RPL3L: variants seen among roughly 807,000 people sequenced by gnomAD.
RPL3L encodes ribosomal protein L3 like.
RPL3L carries 44 observed loss-of-function variants against 44.5 expected under a neutral mutation model. The ratio of observed to expected loss-of-function variants is 0.99; its 90% CI spans 0.78 to 1.27. The LOEUF (loss-of-function observed/expected upper bound fraction) is 1.27, where lower values mean the gene tolerates loss of function less well. Ranked by LOEUF, RPL3L falls within the 50% of genes most tolerant of loss-of-function variation. The pLI is 0.00. For missense variants in RPL3L, 631 were observed against 569.1 expected (o/e 1.11, Z -1.11); for synonymous variants, 292 against 230.7 (o/e 1.27, Z -2.41).
rs2083129463 is a variant in RPL3L, at chr16:1,947,217, A to G, written c.665T>C (p.Val222Ala). The G allele has an allele frequency of 1.9e-6, 3 of 1,612,712 alleles. No homozygotes were observed. Among genetic ancestry groups the G allele is most frequent in the African/African-American group, 1.3e-5 (1 of 74,884 alleles). Residue 222 changes from valine to alanine, a missense_variant, in exon 5 of 10, where the codon GTC becomes GCC. By Grantham distance (64) the Val-to-Ala change is moderately conservative (BLOSUM62 0). Coordinates refer to ENST00000268661, the MANE Select transcript of RPL3L (RefSeq NM_005061.3). ...ACCTTTGACGCCTCGACCCTTGGTG[A>G]CAGCAATGACATCAATGACCTCACT... ...SQSEVIDVIA[V>A]TKGRGVKGVT...
Position 1,954,123 on chromosome 16 carries a change from C to T in RPL3L, c.29G>A (p.Arg10Gln), listed in dbSNP as rs1261889172. 5.0e-6 allele frequency: 8 copies of T among 1,593,750 alleles called. No individual in the cohort carries two copies. The highest frequency in any genetic ancestry group is 2.7e-5 in the African/African-American group (2 of 74,746). MSHRKFSAP[R>Q]HGHLGFLPHK... ...GGGCAGGAAGCCCAGGTGTCCGTGC[C>T]GAGGGGCGGAAAACTTCCGGTGGGA... Residue 10 changes from arginine (R) to glutamine (Q), a missense_variant, in exon 2 of 10, where the codon CGG becomes CAG. Physicochemically the swap from Arg to Gln is conservative, Grantham distance 43 (BLOSUM62 1). Transcript: ENST00000268661.
rs114329258 is a variant in RPL3L at position 1,947,674 on chromosome 16, A to G, written c.502-294T>C. 4.4e-3 allele frequency among the ~76,000 whole-genome samples: 664 copies of G among 152,268 alleles called. 4 individuals are homozygous for G. The highest frequency in any genetic ancestry group is 0.015 in the African/African-American group (638 of 41,552). On this transcript the variant is annotated intron_variant, in intron 4 of 9. Transcript: ENST00000268661. ...TGGGCTATGGGGGCTGGTGTTTCAG[A>G]TACAGTGGTCAGGGCAGAGAGGGCT...
chr16:1,952,052 G>A (rs138507723), intron 3 of RPL3L, among the ~76,000 whole-genome samples: 3,646 of 151,902 alleles, frequency 0.024, 120 homozygotes, highest in African/African-American at 0.063. Context: ...AGGCTCAAGC[G>A]ATTCTCCTGC....
chr16:1,944,775 C>G lies in RPL3L; in HGVS notation c.*62G>C, dbSNP rs57827007. On this transcript the variant is annotated 3_prime_UTR_variant, in exon 10 of 10. Coordinates refer to ENST00000268661, the MANE Select transcript of RPL3L (RefSeq NM_005061.3). ...ACCTCGCAGGAAGAGTCGCCTCCGG[C>G]CTTTGTTAGACATTGGGGCAGACAG... 7 of 1,609,152 alleles carry G rather than the reference C, an allele frequency of 4.4e-6. No individual in the cohort carries two copies. The highest frequency in any genetic ancestry group is 6.0e-6 in the Non-Finnish European group (7 of 1,175,852).
chr16:1,946,664 G>C lies in RPL3L; in HGVS notation c.912C>G (p.Ser304=). 6.2e-7 allele frequency: 1 copy of C among 1,612,864 alleles called. No homozygotes were observed. Among genetic ancestry groups the C allele is most frequent in the Non-Finnish European group, 8.5e-7 (1 of 1,179,962 alleles). ...ACTTGGCAGTCACGTCGTAGCTGGT[G>C]GATGCATTGTTCTTCACCAGCTTCC... ...EDGKLVKNNA[S]TSYDVTAKSI... is the part of the protein sequence containing the mutation. Residue 304 remains serine (S), a synonymous_variant, in exon 7 of 10, where the codon TCC becomes TCG. Transcript: ENST00000268661.
At chr16:1,950,318 G>A (rs942350958) in intron 4 of RPL3L, among the ~76,000 whole-genome samples, 1 of 151,976 alleles carries the variant, frequency 6.6e-6, no homozygotes. Flanking sequence ...ACCAGTGACT[G>A]GCCCAGGCAT....
At chr16:1,948,992 T>C (rs2083147054) in intron 4 of RPL3L, among the ~76,000 whole-genome samples, 1 of 150,104 alleles carries the variant, frequency 6.7e-6, no homozygotes, top group African/African-American at 2.5e-5. Flanking sequence ...ATTACAGACG[T>C]GAGCCACCGC....
In RPL3L at chr16:1,953,056, A is replaced by G. The variant is rs779005025; in HGVS notation, c.197-14T>C. On this transcript the variant is annotated splice_polypyrimidine_tract_variant and intron_variant, in intron 2 of 9. Coordinates refer to ENST00000268661, the MANE Select transcript of RPL3L (RefSeq NM_005061.3). ...GTTTGGAAATTTCTGGATGAGACAC[A>G]GGGATGGGGCATGAAGGGGGACCTC... 1.9e-6 allele frequency: 3 copies of G among 1,579,188 alleles called. No homozygotes were observed. Among genetic ancestry groups the G allele is most frequent in the African/African-American group, 1.4e-5 (1 of 74,064 alleles).
intron 4 of RPL3L, among the ~76,000 whole-genome samples, chr16:1,949,824 C>G (rs1044695966): frequency 2.8e-4 from 2 of 7,220 alleles, no homozygotes; most frequent in Non-Finnish European, 4.2e-4. Flanking sequence ...CAGGTATGGA[C>G]GGGGCAGGTA....
intron 4 of RPL3L, among the ~76,000 whole-genome samples, chr16:1,948,227 A>G (rs796537067): frequency 5.3e-4 from 75 of 140,422 alleles, no homozygotes; most frequent in South Asian, 1.6e-3. Flanking sequence ...GTGAGCCACC[A>G]CGCCCGGCCT....
rs1567307620 is a variant in RPL3L at position 1,943,993 on chromosome 16, G to C, written c.*844C>G. The stretch of plus-strand genomic sequence containing the variant: ...CCCAGCTAATTTTGTATTTTTAATA[G>C]AGACGAGGTTTCTCGATGTTGGCCA... On this transcript the variant is annotated 3_prime_UTR_variant, in exon 10 of 10. Coordinates refer to ENST00000268661, the MANE Select transcript of RPL3L (RefSeq NM_005061.3). 1 of 152,080 alleles carries C rather than the reference G, an allele frequency of 6.6e-6. No individual in the cohort carries two copies. Among genetic ancestry groups the C allele is most frequent in the Non-Finnish European group, 1.5e-5 (1 of 68,018 alleles). The allele number at this position is 152,080 out of a possible 1,614,324, so 9.4% of individuals were successfully genotyped here.
Position 1,952,928 on chromosome 16 carries a change from G to A in RPL3L, c.311C>T (p.Thr104Ile). 6.2e-7 allele frequency: 1 copy of A among 1,613,994 alleles called. No homozygotes were observed. The highest frequency in any genetic ancestry group is 2.2e-5 in the East Asian group (1 of 44,862). Residue 104 changes from threonine to isoleucine, a missense_variant, in exon 3 of 10, where the codon ACC becomes ATC. Thr to Ile is a moderately conservative substitution (Grantham distance 89). Transcript: ENST00000268661. Reference protein sequence around the residue: ...ATPRGLRSFKTIFAEHLSDEC... With the variant: ...ATPRGLRSFKIIFAEHLSDEC... ...ATCACTGAGGTGTTCTGCAAAGATG[G>A]TCTTGAAGCTCCGGAGACCTCGAGG...
chr16:1,947,821 G>C (rs965925698), intron 4 of RPL3L, among the ~76,000 whole-genome samples: 1 of 152,168 alleles, frequency 6.6e-6, no homozygotes, highest in Non-Finnish European at 1.5e-5. Context: ...GAAAGTTGGT[G>C]GGACAGAGAG....
At chr16:1,948,877 G>T (rs1172811202) in intron 4 of RPL3L, among the ~76,000 whole-genome samples, 2 of 152,164 alleles carry the variant, frequency 1.3e-5, no homozygotes, top group South Asian at 2.1e-4. Context: ...ACTACGCCTG[G>T]CTAATTTTTT....
chr16:1,952,889 C>CCA lies in RPL3L; in HGVS notation c.349_350insTG (p.Arg117LeufsTer38). ...CGGTGCTCACCAGTCCTTGTAGAATCGGCGCCGGCACTCATCACTGAGGTG... is the reference window on the plus strand; with the variant it reads ...CGGTGCTCACCAGTCCTTGTAGAATCCAGGCGCCGGCACTCATCACTGAGGTG... On this transcript the variant is annotated frameshift_variant, in exon 3 of 10. Transcript: ENST00000268661. LOFTEE classifies it high-confidence loss of function. 6.2e-7 allele frequency: 1 copy of CCA among 1,613,884 alleles called. No individual in the cohort carries two copies. Among genetic ancestry groups the CCA allele is most frequent in the Non-Finnish European group, 8.5e-7 (1 of 1,179,972 alleles).
chr16:1,947,222 A>G lies in RPL3L; in HGVS notation c.660T>C (p.Ile220=), dbSNP rs1354653595. 1 of 1,613,138 alleles carries G rather than the reference A, an allele frequency of 6.2e-7. No homozygotes were observed. Among genetic ancestry groups the G allele is most frequent in the South Asian group, 1.1e-5 (1 of 91,048 alleles). Residue 220 remains isoleucine, a synonymous_variant, in exon 5 of 10, where the codon ATT becomes ATC. Transcript: ENST00000268661. The part of the protein sequence containing the change: ...VFSQSEVIDV[I]AVTKGRGVKG... ...TGACGCCTCGACCCTTGGTGACAGC[A>G]ATGACATCAATGACCTCACTCTGGC...
rs773367998 is a variant in RPL3L at position 1,950,971 on chromosome 16, C to T, written c.374G>A (p.Ser125Asn). The change falls in exon 4 of 10, where the codon AGC becomes AAC. Residue 125 changes from serine to asparagine, a missense_variant. Ser to Asn is a conservative substitution (Grantham distance 46). Transcript: ENST00000268661. ...RRRFYKDWHK[S>N]KKKAFTKACK... The stretch of plus-strand genomic sequence containing the variant: ...GGCCTTGGTGAAGGCTTTCTTCTTG[C>T]TCTTGTGCCTGAGCCATGCACAGGA... The T allele has an allele frequency of 6.2e-7, 1 of 1,613,830 alleles. No individual in the cohort carries two copies. The highest frequency in any genetic ancestry group is 1.1e-5 in the South Asian group (1 of 91,092).
chr16:1,946,682 C>T lies in RPL3L; in HGVS notation c.894G>A (p.Leu298=), dbSNP rs139240010. 5.3e-5 allele frequency: 86 copies of T among 1,612,848 alleles called. No individual in the cohort carries two copies. In the African/African-American group the frequency reaches 9.3e-4, roughly 17 times the overall value. The change falls in exon 7 of 10, where the codon CTG becomes CTA. Residue 298 remains leucine (L), a synonymous_variant. Coordinates refer to ENST00000268661, the MANE Select transcript of RPL3L (RefSeq NM_005061.3). The part of the protein sequence containing the change: ...GRGPHMEDGK[L]VKNNASTSYD... The stretch of plus-strand genomic sequence containing the variant: ...AGCTGGTGGATGCATTGTTCTTCAC[C>T]AGCTTCCCGTCCTCCATGTGCGGGC...
At chr16:1,951,050 C>A in intron 3 of RPL3L, 71 bp from the exon 4 acceptor site, 2 of 1,564,774 alleles carry the variant, frequency 1.3e-6, no homozygotes, top group East Asian at 2.3e-5. Flanking sequence ...CCTGCCCCCA[C>A]CTCACCCCCA....
Sources: gnomAD v4.1 joint callset for allele counts (sites outside exome capture counted in the v4.1 genomes callset) on GRCh38, gnomAD v4.1.1 for gene constraint, MANE v1.5 for transcripts, NCBI Gene and HGNC (gene_info 2026-07-23, HGNC 2026-07-21) for gene names.